The following DNMT3A variants were observed in gnomAD, a reference collection of about 807,000 sequenced individuals.
The protein encoded by DNMT3A is DNA (cytosine-5)-methyltransferase 3A.
In DNMT3A, 267 loss-of-function variants were observed where a neutral mutation model predicts 117.6. The observed-to-expected ratio is 2.27, with a 90% CI of 2.05 to 2.51. The LOEUF (loss-of-function observed/expected upper bound fraction) is 2.51. Ranked by LOEUF, DNMT3A falls within the 30% of genes most tolerant of loss-of-function variation. The probability of loss-of-function intolerance (pLI) is 0.00; values close to 1 mark genes in which losing one functional copy is unlikely to be tolerated. For missense variants in DNMT3A, 1,029 were observed against 1,260.2 expected, an observed-to-expected ratio of 0.82 and a Z score of 2.78; for synonymous variants, 432 against 474.8, an observed-to-expected ratio of 0.91 and a Z score of 1.17.
rs1322588212 is a variant in DNMT3A at position 25,286,429 on chromosome 2, C to T, written c.178-3718G>A. Among the ~76,000 whole-genome samples the T allele has an allele frequency of 1.3e-5, 2 of 152,232 alleles. No homozygotes were observed. Among genetic ancestry groups the T allele is most frequent in the Non-Finnish European group, 2.9e-5 (2 of 68,032 alleles). The stretch of plus-strand genomic sequence containing the variant: ...ACATTTCCAGCCCCGGGTTAGCTCA[C>T]CCGCTGAAATCCCCACTCCCGCATC... On this transcript the variant is annotated intron_variant, in intron 3 of 22. Coordinates refer to ENST00000321117, the MANE Select transcript of DNMT3A (RefSeq NM_022552.5). This position sits in a 1 kb window ranked among gnomAD's most constrained non-coding sequence, Gnocchi z 4.3.
rs1030857695 is a variant in DNMT3A, at chr2:25,304,008, C to T, written c.73-3765G>A. On this transcript the variant is annotated intron_variant, in intron 2 of 22. Transcript: ENST00000321117. This position sits in a 1 kb window ranked among gnomAD's most constrained non-coding sequence, Gnocchi z 4.3. ...CTGCAAGTAGCCCTGAATTAGGAGGCGTTGCTAATACTCTGAAAGAAAAGA... is the reference window on the plus strand; with the variant it reads ...CTGCAAGTAGCCCTGAATTAGGAGGTGTTGCTAATACTCTGAAAGAAAAGA... 2.6e-5 allele frequency among the ~76,000 whole-genome samples: 4 copies of T among 152,324 alleles called. No homozygotes were observed. The highest frequency in any genetic ancestry group is 1.9e-4 in the East Asian group (1 of 5,190).
At chr2:25,335,402 C>T (rs1308580918) in intron 1 of DNMT3A, among the ~76,000 whole-genome samples, 1 of 152,224 alleles carries the variant, frequency 6.6e-6, no homozygotes, top group African/African-American at 2.4e-5. Context: ...TCCCGGGGTC[C>T]TCCAGGGAGT....
intron 6 of DNMT3A, among the ~76,000 whole-genome samples, chr2:25,251,678 GC>G (rs963152892): frequency 6.6e-6 from 1 of 152,126 alleles, no homozygotes; most frequent in African/African-American, 2.4e-5. Flanking sequence ...GTGCTCTCCC[GC>G]CCCCCACCAC....
chr2:25,335,705 A>G lies in DNMT3A; in HGVS notation c.-178+6121T>C, dbSNP rs188714180. Among the ~76,000 whole-genome samples, 22 of 152,318 alleles carry G rather than the reference A, an allele frequency of 1.4e-4. No homozygotes were observed. In the East Asian group the frequency reaches 3.3e-3, roughly 23 times the overall value. On this transcript the variant is annotated intron_variant, in intron 1 of 22. Transcript: ENST00000321117. ...AGTTCCAGCTCTCCGGTTACTGGCT[A>G]TAAGAGATGGTCCTCCGTCCCCTCT...
Position 25,298,783 on chromosome 2 carries a change from G to A in DNMT3A, c.177+1356C>T, listed in dbSNP as rs987746752. The stretch of plus-strand genomic sequence containing the variant: ...TGAATTTCATTCATTACATATCCAC[G>A]TTTGCTTTAATATTAAAAGGTTTAA... On this transcript the variant is annotated intron_variant, in intron 3 of 22. Transcript: ENST00000321117. This position sits in a 1 kb window ranked among gnomAD's most constrained non-coding sequence, Gnocchi z 4.3. Among the ~76,000 whole-genome samples the A allele has an allele frequency of 6.6e-6, 1 of 152,052 alleles. No homozygotes were observed.
intron 2 of DNMT3A, among the ~76,000 whole-genome samples, chr2:25,312,948 C>A (rs1197436315): frequency 1.3e-5 from 2 of 152,148 alleles, no homozygotes; most frequent in African/African-American, 4.8e-5. Flanking sequence ...AGCAGCACAA[C>A]CCCCAGCGCT....
At chr2:25,242,639 G>T (rs1344890327) in intron 16 of DNMT3A, among the ~76,000 whole-genome samples, 4 of 152,166 alleles carry the variant, frequency 2.6e-5, no homozygotes, top group African/African-American at 9.7e-5. Flanking sequence ...TCTAACCAGG[G>T]TCCCTGGGTT....
rs556067951 is a variant in DNMT3A at position 25,315,180 on chromosome 2, C to T, written c.-177-1019G>A. 3.3e-5 allele frequency among the ~76,000 whole-genome samples: 5 copies of T among 152,344 alleles called. No homozygotes were observed. In the South Asian group the frequency reaches 1.0e-3, roughly 32 times the overall value. ...GTTCTGCTTCCCCAGCTCCCCCTCC[C>T]TCCTGGGCTTCTCCTCCCATCCCCC... On this transcript the variant is annotated intron_variant, in intron 1 of 22. Transcript: ENST00000321117.
intron 3 of DNMT3A, among the ~76,000 whole-genome samples, chr2:25,290,613 C>T (rs1438567286): frequency 3.3e-5 from 5 of 152,188 alleles, no homozygotes; most frequent in East Asian, 1.9e-4. Context: ...TGAGCCACCA[C>T]GCCCGGCCAG....
intron 6 of DNMT3A, among the ~76,000 whole-genome samples, chr2:25,260,317 C>T (rs182513349): frequency 2.0e-5 from 3 of 152,282 alleles, no homozygotes; most frequent in East Asian, 3.9e-4. Context: ...AAAATCAAAC[C>T]TACAAGTACT....
chr2:25,291,061 C>A (rs1265891734), intron 3 of DNMT3A, among the ~76,000 whole-genome samples: 2 of 152,206 alleles, frequency 1.3e-5, no homozygotes, highest in Non-Finnish European at 2.9e-5. Flanking sequence ...ACCCCCACGC[C>A]TGCAGACACC....
intron 6 of DNMT3A, chr2:25,249,763 G>A: frequency 1.2e-6 from 2 of 1,609,338 alleles, no homozygotes; most frequent in Non-Finnish European, 1.7e-6. Flanking sequence ...TTAGCTCTGA[G>A]AACCATTAGC....
chr2:25,300,738 T>C (rs1264771879), intron 2 of DNMT3A, among the ~76,000 whole-genome samples: 63 of 40,868 alleles, frequency 1.5e-3, no homozygotes, highest in Middle Eastern at 7.8e-3. Flanking sequence ...TATATATATA[T>C]ATATATATAT....
At chr2:25,303,616 A>G (rs1011716732) in intron 2 of DNMT3A, among the ~76,000 whole-genome samples, 1 of 152,224 alleles carries the variant, frequency 6.6e-6, no homozygotes, top group Non-Finnish European at 1.5e-5. Context: ...CAGGCCCCGC[A>G]TGCTTCTGGG....
At chr2:25,238,072 G>A (rs1256208679) in intron 20 of DNMT3A, among the ~76,000 whole-genome samples, 1 of 152,266 alleles carries the variant, frequency 6.6e-6, no homozygotes. Flanking sequence ...GAAGCTCAGA[G>A]TTTAGTATTT....
intron 1 of DNMT3A, among the ~76,000 whole-genome samples, chr2:25,321,724 A>G (rs1017149487): frequency 2.6e-5 from 4 of 152,182 alleles, no homozygotes. Flanking sequence ...TGTCTCTACA[A>G]AAATTTACAA....
chr2:25,288,366 G>T (rs1224743295), intron 3 of DNMT3A, among the ~76,000 whole-genome samples: 1 of 152,020 alleles, frequency 6.6e-6, no homozygotes, highest in Non-Finnish European at 1.5e-5. Flanking sequence ...AGGAGGCAGA[G>T]CTTGCAGTGA....
intron 1 of DNMT3A, among the ~76,000 whole-genome samples, chr2:25,315,164 C>T (rs1365797519): frequency 2.6e-5 from 4 of 152,184 alleles, no homozygotes; most frequent in Non-Finnish European, 5.9e-5. Flanking sequence ...GGTTCTGCTT[C>T]CCCAGCTCCC....
rs1383818225 is a variant in DNMT3A at position 25,304,498 on chromosome 2, G to A, written c.73-4255C>T. On this transcript the variant is annotated intron_variant, in intron 2 of 22. Coordinates refer to ENST00000321117, the MANE Select transcript of DNMT3A (RefSeq NM_022552.5). This position sits in a 1 kb window ranked among gnomAD's most constrained non-coding sequence, Gnocchi z 4.3. ...CAGCACGCCGCCCACCATATGCAGCGATCCCTCACTATCACACAGAGCCCA... is the reference window on the plus strand; with the variant it reads ...CAGCACGCCGCCCACCATATGCAGCAATCCCTCACTATCACACAGAGCCCA... Among the ~76,000 whole-genome samples the A allele has an allele frequency of 1.3e-5, 2 of 152,202 alleles. No individual in the cohort carries two copies. The highest frequency in any genetic ancestry group is 2.1e-4 in the South Asian group (1 of 4,818).
Sources: gnomAD v4.1 joint callset for allele counts (sites outside exome capture counted in the v4.1 genomes callset) on GRCh38, gnomAD v4.1.1 for gene constraint, Gnocchi (gnomAD v3.1) non-coding constraint, MANE v1.5 for transcripts, NCBI Gene and HGNC (gene_info 2026-07-23, HGNC 2026-07-21) for gene names.